The following PIEZO2 variants were observed in gnomAD, a reference collection of about 807,000 sequenced individuals.
PIEZO2 encodes the protein piezo type mechanosensitive ion channel component 2, also known as piezo-type mechanosensitive ion channel component 2.
PIEZO2 carries 172 observed loss-of-function variants against 337.3 expected under a neutral mutation model. The observed-to-expected ratio is 0.51, with a 90% CI of 0.45 to 0.58. The LOEUF (loss-of-function observed/expected upper bound fraction) is 0.58. Among genes scored for constraint, PIEZO2 ranks in the 20% least tolerant of loss-of-function variants. The pLI is 0.00. For missense variants in PIEZO2, 3,028 were observed against 3,391.3 expected (o/e 0.89, Z 2.66); for synonymous variants, 1,251 against 1,228.5 (o/e 1.02, Z -0.38).
Position 11,143,627 on chromosome 18 carries a change from ACACACACACACACTCTCTCTCTCTCTCT to A in PIEZO2, c.64+4870_64+4897del, listed in dbSNP as rs1409256457. On this transcript the variant is annotated intron_variant, in intron 1 of 55. Coordinates refer to ENST00000674853, the MANE Select transcript of PIEZO2 (RefSeq NM_001378183.1). This position sits in a 1 kb window ranked among gnomAD's most constrained non-coding sequence, Gnocchi z 4.9. ...CACACACACACACACACACACACACACACACACACACACTCTCTCTCTCTCTCTCTCTCTCTCTCTCTCTCACTCTCTC... is the reference window on the plus strand; with the variant it reads ...CACACACACACACACACACACACACACTCTCTCTCTCTCTCTCACTCTCTC... Among the ~76,000 whole-genome samples, 2 of 107,866 alleles carry A rather than the reference ACACACACACACACTCTCTCTCTCTCTCT, an allele frequency of 1.9e-5. No homozygotes were observed. Among genetic ancestry groups the A allele is most frequent in the Admixed American group, 1.8e-4 (2 of 11,016 alleles). The allele number at this position is 107,866 out of a possible 152,430, so 70.8% of individuals were successfully genotyped here. A position where few individuals can be genotyped will look rare whatever the true frequency, so the allele number is the denominator to read the frequency against.
chr18:10,720,234 G>GCGTGTATATATATATA (rs1555631512), intron 36 of PIEZO2, among the ~76,000 whole-genome samples: 11 of 119,914 alleles, frequency 9.2e-5, no homozygotes, highest in African/African-American at 3.7e-4. Context: ...GTGTGTGTGT[G>GCGTGTATATATATATA]TATATATATA....
chr18:10,834,330 T>C lies in PIEZO2; in HGVS notation c.917+21023A>G, dbSNP rs1167209223. The stretch of plus-strand genomic sequence containing the variant: ...ATCTACACCTCAATTTTCCTGTCTT[T>C]AGAATGGGCATAATAAAGTAGACCA... On this transcript the variant is annotated intron_variant, in intron 7 of 55. Transcript: ENST00000674853. This position sits in a 1 kb window ranked among gnomAD's most constrained non-coding sequence, Gnocchi z 4.5. Among the ~76,000 whole-genome samples, 1 of 152,330 alleles carries C rather than the reference T, an allele frequency of 6.6e-6. No homozygotes were observed. Among genetic ancestry groups the C allele is most frequent in the South Asian group, 2.1e-4 (1 of 4,822 alleles).
rs533871707 is a variant in PIEZO2, at chr18:11,112,513, C to A, written c.64+36012G>T. ...GTCAAGTCTCCAAATTTTACACTGACTGATGAGTCTTCTGTACATCAACAA... is the reference window on the plus strand; with the variant it reads ...GTCAAGTCTCCAAATTTTACACTGAATGATGAGTCTTCTGTACATCAACAA... On this transcript the variant is annotated intron_variant, in intron 1 of 55. Coordinates refer to ENST00000674853, the MANE Select transcript of PIEZO2 (RefSeq NM_001378183.1). The surrounding 1 kb of genome is among the most constrained non-coding windows in gnomAD (Gnocchi z 4.3). Among the ~76,000 whole-genome samples, 1 of 152,326 alleles carries A rather than the reference C, an allele frequency of 6.6e-6. No homozygotes were observed. Among genetic ancestry groups the A allele is most frequent in the South Asian group, 2.1e-4 (1 of 4,826 alleles).
chr18:10,867,300 C>A (rs2042031836), intron 5 of PIEZO2, among the ~76,000 whole-genome samples: 1 of 152,088 alleles, frequency 6.6e-6, no homozygotes, highest in African/African-American at 2.4e-5. Context: ...TTGTCTCTTG[C>A]TCTTTAAAAA....
chr18:10,867,821 T>C (rs1474282763), intron 5 of PIEZO2, among the ~76,000 whole-genome samples: 1 of 152,264 alleles, frequency 6.6e-6, no homozygotes, highest in African/African-American at 2.4e-5. Context: ...ATTTAAGATT[T>C]CAGATCAGGA....
intron 4 of PIEZO2, among the ~76,000 whole-genome samples, chr18:10,897,214 C>T (rs1395827420): frequency 6.6e-6 from 1 of 151,022 alleles, no homozygotes; most frequent in Admixed American, 6.6e-5. Context: ...TGAGATGGAG[C>T]CTCGCTCTGT....
intron 4 of PIEZO2, among the ~76,000 whole-genome samples, chr18:10,909,270 T>C (rs1253136866): frequency 6.6e-6 from 1 of 151,994 alleles, no homozygotes; most frequent in African/African-American, 2.4e-5. Flanking sequence ...GAAAGTAAAA[T>C]ATTCTGTAAG....
In PIEZO2 at chr18:10,795,056, C is replaced by A; in HGVS notation, c.1528-54G>T. On this transcript the variant is annotated intron_variant, in intron 12 of 55. Coordinates refer to ENST00000674853, the MANE Select transcript of PIEZO2 (RefSeq NM_001378183.1). The surrounding 1 kb of genome is among the most constrained non-coding windows in gnomAD (Gnocchi z 4.4). ...CATGGTCAATACAATGCTCAGTCCC[C>A]CCCGCCCTGGTAAGGTAAAAACTAT... The A allele has an allele frequency of 1.4e-6, 2 of 1,396,764 alleles. No homozygotes were observed. Among genetic ancestry groups the A allele is most frequent in the Non-Finnish European group, 2.0e-6 (2 of 1,019,800 alleles). The allele number at this position is 1,396,764 out of a possible 1,614,324, so 86.5% of individuals were successfully genotyped here.
At position 10,824,196 on chromosome 18, in the gene PIEZO2, AG is replaced by A. The variant is rs1252591053; in HGVS notation, c.918-16923del. 6.6e-6 allele frequency among the ~76,000 whole-genome samples: 1 copy of A among 152,220 alleles called. No homozygotes were observed. The highest frequency in any genetic ancestry group is 2.4e-5 in the African/African-American group (1 of 41,460). ...GCATAAATAAACCACAGACTACTCTAGAAATCTGGGGCTAGGGAATAATTTA... is the reference window on the plus strand; with the variant it reads ...GCATAAATAAACCACAGACTACTCTAAAATCTGGGGCTAGGGAATAATTTA... On this transcript the variant is annotated intron_variant, in intron 7 of 55. Coordinates refer to ENST00000674853, the MANE Select transcript of PIEZO2 (RefSeq NM_001378183.1). The surrounding 1 kb of genome is among the most constrained non-coding windows in gnomAD (Gnocchi z 4.4).
chr18:11,041,085 C>T (rs1470388631), intron 2 of PIEZO2, among the ~76,000 whole-genome samples: 1 of 152,110 alleles, frequency 6.6e-6, no homozygotes, highest in East Asian at 1.9e-4. Context: ...CCTCTGAAAA[C>T]GGACAGTCCA....
chr18:11,069,500 C>G lies in PIEZO2; in HGVS notation c.65-3278G>C, dbSNP rs57356465. ...CACCCTTCATGGTAAAAATTCTCAA[C>G]AAATTACATATAGAAGAAATGGACT... is the stretch of plus-strand genomic sequence containing the variant. On this transcript the variant is annotated intron_variant, in intron 1 of 55. Transcript: ENST00000674853. This position sits in a 1 kb window ranked among gnomAD's most constrained non-coding sequence, Gnocchi z 4.9. Among the ~76,000 whole-genome samples, 905 of 152,234 alleles carry G rather than the reference C, an allele frequency of 5.9e-3. 11 individuals carry two copies. Among genetic ancestry groups the G allele is most frequent in the African/African-American group, 0.021 (857 of 41,548 alleles).
chr18:11,054,098 T>C (rs1452747550), intron 2 of PIEZO2, among the ~76,000 whole-genome samples: 1 of 152,212 alleles, frequency 6.6e-6, no homozygotes, highest in Non-Finnish European at 1.5e-5. Context: ...TGACGTTAAT[T>C]ATACATTAGT....
At chr18:11,018,844 T>C (rs1486279765) in intron 2 of PIEZO2, among the ~76,000 whole-genome samples, 1 of 152,174 alleles carries the variant, frequency 6.6e-6, no homozygotes, top group African/African-American at 2.4e-5. Context: ...ATTCTACCCA[T>C]AACAGATATC....
rs2042985081 is a variant in PIEZO2, at chr18:10,899,364, G to C, written c.329+11822C>G. ...AAGAAACTGTTTTCACTTTATCTAG[G>C]ATAATGTATTTCCAAAGATTTGGAT... is the stretch of plus-strand genomic sequence containing the variant. On this transcript the variant is annotated intron_variant, in intron 4 of 55. Transcript: ENST00000674853. This position sits in a 1 kb window ranked among gnomAD's most constrained non-coding sequence, Gnocchi z 4.6. Among the ~76,000 whole-genome samples, 1 of 152,128 alleles carries C rather than the reference G, an allele frequency of 6.6e-6. No individual in the cohort carries two copies. Among genetic ancestry groups the C allele is most frequent in the Non-Finnish European group, 1.5e-5 (1 of 68,040 alleles).
At chr18:10,936,384 T>A (rs1258056606) in intron 3 of PIEZO2, among the ~76,000 whole-genome samples, 1 of 152,130 alleles carries the variant, frequency 6.6e-6, no homozygotes, top group Admixed American at 6.6e-5. Context: ...CTGGCCTCAT[T>A]GAGGTTGCCT....
chr18:10,732,676 AT>A (rs1380915489), intron 35 of PIEZO2, among the ~76,000 whole-genome samples: 1 of 152,250 alleles, frequency 6.6e-6, no homozygotes, highest in Admixed American at 6.5e-5. Context: ...ATTCTATTTT[AT>A]GCCAAAAGCA....
chr18:10,790,349 A>G (rs982398111), intron 14 of PIEZO2, among the ~76,000 whole-genome samples: 1 of 152,212 alleles, frequency 6.6e-6, no homozygotes, highest in African/African-American at 2.4e-5. Context: ...TTCTGTGGAC[A>G]TTTCTAGGCT....
rs410267 is a variant in PIEZO2, at chr18:10,945,078, A to C, written c.287-33850T>G. 0.42 allele frequency among the ~76,000 whole-genome samples: 64,603 copies of C among 152,014 alleles called. 14,593 individuals carry two copies. Among genetic ancestry groups the C allele is most frequent in the Non-Finnish European group, 0.51 (34,777 of 67,938 alleles). On this transcript the variant is annotated intron_variant, in intron 3 of 55. Coordinates refer to ENST00000674853, the MANE Select transcript of PIEZO2 (RefSeq NM_001378183.1). This position sits in a 1 kb window ranked among gnomAD's most constrained non-coding sequence, Gnocchi z 4.0. The stretch of plus-strand genomic sequence containing the variant: ...GAAAGAGTATTAGAGAATAGATTGC[A>C]GCACAGAAGAAGGGCCCCGGAGATC...
intron 3 of PIEZO2, among the ~76,000 whole-genome samples, chr18:10,955,523 C>T (rs1237374427): frequency 6.6e-6 from 1 of 152,166 alleles, no homozygotes; most frequent in Non-Finnish European, 1.5e-5. Flanking sequence ...GTGTAAACAA[C>T]TTTAGAGAGT....
Sources: gnomAD v4.1 joint callset for allele counts (sites outside exome capture counted in the v4.1 genomes callset) on GRCh38, gnomAD v4.1.1 for gene constraint, Gnocchi (gnomAD v3.1) non-coding constraint, MANE v1.5 for transcripts, NCBI Gene and HGNC (gene_info 2026-07-23, HGNC 2026-07-21) for gene names.